OSBPL9: variants seen among roughly 807,000 people sequenced by gnomAD.
The protein encoded by OSBPL9 is oxysterol binding protein like 9, also known as oxysterol-binding protein-related protein 9.
Under a neutral mutation model 106.6 loss-of-function variants are expected in OSBPL9, and 40 were observed. That is an observed-to-expected ratio of 0.38 (90% CI 0.29 to 0.49). OSBPL9 has a LOEUF of 0.49. OSBPL9 is among the 20% of genes least tolerant of loss of function. OSBPL9 has a pLI of 0.97. For synonymous variants in OSBPL9, 269 were observed against 295.4 expected, an observed-to-expected ratio of 0.91 and a Z score of 0.92; for missense variants, 609 against 887.2, an observed-to-expected ratio of 0.69 and a Z score of 3.98.
intron 21 of OSBPL9, chr1:51,786,273 A>T (rs1049987589): frequency 3.7e-5 from 17 of 455,832 alleles, no homozygotes; most frequent in African/African-American, 3.4e-4. Context: ...TGTATAATAA[A>T]ATTTACTGAC....
At chr1:51,660,132 G>T (rs1309681296) in intron 2 of OSBPL9, among the ~76,000 whole-genome samples, 1 of 151,728 alleles carries the variant, frequency 6.6e-6, no homozygotes, top group Non-Finnish European at 1.5e-5. Context: ...GTGTCCATAT[G>T]AAAAAAAGAA....
At chr1:51,743,994 T>C (rs1005503861) in intron 4 of OSBPL9, among the ~76,000 whole-genome samples, 1 of 152,188 alleles carries the variant, frequency 6.6e-6, no homozygotes, top group African/African-American at 2.4e-5. Context: ...ACTTTTGTTT[T>C]TGTACATGTC....
At chr1:51,520,299 G>A in the OSBPL9 span, among the ~76,000 whole-genome samples, 1 of 152,162 alleles carries the variant, frequency 6.6e-6, no homozygotes, top group Non-Finnish European at 1.5e-5. Flanking sequence ...TACACCTTCT[G>A]ATGCTGCCAA....
At chr1:51,673,784 A>G (rs1399656234) in intron 3 of OSBPL9, among the ~76,000 whole-genome samples, 1 of 152,146 alleles carries the variant, frequency 6.6e-6, no homozygotes, top group African/African-American at 2.4e-5. Context: ...CCAGAGGACC[A>G]CTTGAGCCCA....
intron 2 of OSBPL9, among the ~76,000 whole-genome samples, chr1:51,655,733 A>T (rs1646778259): frequency 6.6e-6 from 1 of 152,154 alleles, no homozygotes; most frequent in Admixed American, 6.5e-5. Context: ...ATTTTTACCC[A>T]TTCCTTTGTT....
chr1:51,674,376 C>A (rs1570978906), intron 3 of OSBPL9, among the ~76,000 whole-genome samples: 1 of 152,196 alleles, frequency 6.6e-6, no homozygotes, highest in African/African-American at 2.4e-5. Flanking sequence ...CCAAGCAATC[C>A]TCCTGCCTTA....
chr1:51,662,927 G>A (rs532253935), intron 2 of OSBPL9, among the ~76,000 whole-genome samples: 2 of 152,004 alleles, frequency 1.3e-5, no homozygotes, highest in East Asian at 3.9e-4. Context: ...TGTATTTTTA[G>A]TAGAGATGGG....
upstream of OSBPL9, among the ~76,000 whole-genome samples, chr1:51,575,031 G>T (rs1459834721): frequency 6.6e-6 from 1 of 152,168 alleles, no homozygotes; most frequent in African/African-American, 2.4e-5. Context: ...CTGATTTTAT[G>T]CTTCAGAGTT....
At chr1:51,636,082 A>G (rs6691560) in intron 1 of OSBPL9, among the ~76,000 whole-genome samples, 12 of 139,644 alleles carry the variant, frequency 8.6e-5, no homozygotes, top group Middle Eastern at 3.4e-3. Context: ...ATGTATGTAT[A>G]TGTGTGTGTG....
At chr1:51,605,456 A>G (rs542978548) in intron 2 of OSBPL9, among the ~76,000 whole-genome samples, 1 of 152,050 alleles carries the variant, frequency 6.6e-6, no homozygotes, top group Non-Finnish European at 1.5e-5. Flanking sequence ...GAAAATCTTC[A>G]TAGAAGAGAT....
chr1:51,610,866 A>G (rs942915116), intron 2 of OSBPL9, among the ~76,000 whole-genome samples: 3 of 152,182 alleles, frequency 2.0e-5, no homozygotes, highest in Admixed American at 6.5e-5. Context: ...TGCACATATG[A>G]CTGAGTCCTC....
intron 4 of OSBPL9, chr1:51,740,351 C>A: frequency 8.9e-7 from 1 of 1,120,712 alleles, no homozygotes; most frequent in Non-Finnish European, 1.2e-6. Flanking sequence ...TACATTCCTG[C>A]TAAGTTTTCA....
At chr1:51,760,415 T>A in intron 9 of OSBPL9, 1 of 292,040 alleles carries the variant, frequency 3.4e-6, no homozygotes, top group Non-Finnish European at 6.3e-6. Context: ...TTTGACTTCC[T>A]GAAATCTCCC....
chr1:51,537,829 C>G, the OSBPL9 span, among the ~76,000 whole-genome samples: 1 of 152,262 alleles, frequency 6.6e-6, no homozygotes, highest in South Asian at 2.1e-4. Context: ...GCATGAGCCA[C>G]TGCACCCAGC....
chr1:51,702,457 T>G (rs2148857492), intron 3 of OSBPL9, among the ~76,000 whole-genome samples: 1 of 152,356 alleles, frequency 6.6e-6, no homozygotes, highest in South Asian at 2.1e-4. Flanking sequence ...TTTTGAGAAG[T>G]GTCTGTTCAT....
At chr1:51,562,527 T>C in the OSBPL9 span, among the ~76,000 whole-genome samples, 1 of 152,144 alleles carries the variant, frequency 6.6e-6, no homozygotes, top group Non-Finnish European at 1.5e-5. Flanking sequence ...AATACACCAA[T>C]TGATTTATGA....
At chr1:51,607,457 T>A (rs1367676535) in intron 2 of OSBPL9, among the ~76,000 whole-genome samples, 2 of 152,156 alleles carry the variant, frequency 1.3e-5, no homozygotes, top group Non-Finnish European at 2.9e-5. Flanking sequence ...CCACCACACT[T>A]GGCCTACAGA....
At chr1:51,623,607 C>T (rs558156773) in intron 1 of OSBPL9, among the ~76,000 whole-genome samples, 2 of 152,250 alleles carry the variant, frequency 1.3e-5, no homozygotes, top group South Asian at 4.1e-4. Flanking sequence ...TTTGCTGTTA[C>T]ACACTGTCTG....
chr1:51,633,008 T>C (rs1318601653), intron 1 of OSBPL9, among the ~76,000 whole-genome samples: 7 of 152,046 alleles, frequency 4.6e-5, no homozygotes, highest in Admixed American at 4.6e-4. Context: ...TCTTACTCTG[T>C]CCTCCAGGCT....
Sources: gnomAD v4.1 joint callset for allele counts (sites outside exome capture counted in the v4.1 genomes callset) on GRCh38, gnomAD v4.1.1 for gene constraint, MANE v1.5 for transcripts, NCBI Gene and HGNC (gene_info 2026-07-23, HGNC 2026-07-21) for gene names.